Variants in USP6 observed in about 807,000 individuals in gnomAD.
The protein encoded by USP6 is ubiquitin carboxyl-terminal hydrolase 6.
A neutral mutation model predicts 175.7 loss-of-function variants in USP6; 128 were observed. The observed-to-expected ratio is 0.73, with a 90% CI of 0.63 to 0.84. The LOEUF (loss-of-function observed/expected upper bound fraction) is 0.84. USP6 is among the 40% of genes least tolerant of loss of function. USP6 has a pLI of 0.00. For synonymous variants in USP6, 562 were observed against 630.6 expected (o/e 0.89, Z 1.63); for missense variants, 1,498 against 1,760.3 (o/e 0.85, Z 2.67).
chr17:5,158,614 G>GGGGA (rs2073938861), intron 31 of USP6, among the ~76,000 whole-genome samples: 12 of 26,356 alleles, frequency 4.6e-4, no homozygotes, highest in Non-Finnish European at 6.6e-4. Flanking sequence ...AGGGAGAGGG[G>GGGGA]GAGAGAGAGA....
chr17:5,118,840 C>G (rs1052566878), intron 2 of USP6, among the ~76,000 whole-genome samples: 20 of 152,230 alleles, frequency 1.3e-4, no homozygotes, highest in African/African-American at 2.4e-5. Context: ...CCATCTCTCT[C>G]ATCTACTGAC....
rs780703356 is a variant in USP6, at chr17:5,171,704, A to C, written c.4047+25A>C. The C allele has an allele frequency of 5.0e-6, 8 of 1,608,850 alleles. No homozygotes were observed. In the Admixed American group the frequency reaches 5.0e-5, roughly 10 times the overall value. ...GGTAAACATTCTCAATCTTTGAATG[A>C]AAGTTAGAATATCAACAGAACTGGG... On this transcript the variant is annotated intron_variant, in intron 37 of 37. Transcript: ENST00000574788.
chr17:5,152,229 G>A (rs1291155751), intron 30 of USP6, among the ~76,000 whole-genome samples: 4 of 146,244 alleles, frequency 2.7e-5, no homozygotes, highest in Non-Finnish European at 6.0e-5. Context: ...GCAACAGAGC[G>A]AGACTCCGTC....
chr17:5,149,368 A>T (rs2073700303), intron 30 of USP6, among the ~76,000 whole-genome samples: 1 of 152,092 alleles, frequency 6.6e-6, no homozygotes, highest in South Asian at 2.1e-4. Flanking sequence ...GTGCCACAGC[A>T]CTCCAGCCTG....
At chr17:5,137,622 A>G (rs2073297495) in intron 19 of USP6, 29 bp from the exon 20 acceptor site, 1 of 1,596,650 alleles carries the variant, frequency 6.3e-7, no homozygotes, top group Non-Finnish European at 8.5e-7. Context: ...TGGAAGGGCC[A>G]GGTTCTCTCA....
intron 33 of USP6, 64 bp from the exon 34 acceptor site, chr17:5,167,868 A>T: frequency 6.5e-7 from 1 of 1,545,676 alleles, no homozygotes; most frequent in South Asian, 1.2e-5. Flanking sequence ...GTTGATGCAT[A>T]GCTAGATCAC....
Position 5,155,595 on chromosome 17 carries a change from T to C in USP6, c.2817T>C (p.His939=). 1.2e-6 allele frequency: 2 copies of C among 1,614,066 alleles called. No individual in the cohort carries two copies. The highest frequency in any genetic ancestry group is 1.7e-6 in the Non-Finnish European group (2 of 1,179,970). Residue 939 remains histidine, a synonymous_variant, in exon 31 of 38, where the codon CAT becomes CAC. Transcript: ENST00000574788. The stretch of plus-strand genomic sequence containing the variant: ...TCCCACCTCAGGAAGCTAGTATTCA[T>C]GCCCAGGATCGGTGAGTTCAGGGGA... ...RPLPPQEASI[H]AQDRDNCMGY... is the part of the protein sequence containing the mutation.
chr17:5,117,515 CAA>C (rs59282298), intron 1 of USP6, among the ~76,000 whole-genome samples: 16 of 61,946 alleles, frequency 2.6e-4, no homozygotes, highest in Admixed American at 5.2e-4. Context: ...GACTCCGTCT[CAA>C]AAAAAAAAAA....
chr17:5,120,474 C>T (rs1361232028), intron 2 of USP6, among the ~76,000 whole-genome samples, 153 bp from the exon 3 acceptor site: 2 of 152,154 alleles, frequency 1.3e-5, no homozygotes, highest in African/African-American at 2.4e-5. Flanking sequence ...CAATATCCAC[C>T]TCCACCTTCA....
intron 22 of USP6, among the ~76,000 whole-genome samples, chr17:5,140,673 C>T (rs1409140693): frequency 1.3e-5 from 2 of 152,168 alleles, no homozygotes; most frequent in East Asian, 3.8e-4. Context: ...GTCCCATTTT[C>T]GCCTAACTTC....
intron 9 of USP6, 75 bp from the exon 10 acceptor site, chr17:5,130,292 G>C: frequency 1.4e-6 from 2 of 1,473,036 alleles, no homozygotes; most frequent in Admixed American, 1.7e-5. Context: ...GCATCTGGGA[G>C]CCCGGTGGGA....
rs780779647 is a variant in USP6, at chr17:5,138,187, G to A, written c.992G>A (p.Trp331Ter). Reference sequence around the variant, plus strand: ...CTGCGGAACCAATTCTTCGATACCTGGGCCATGAACGATGACACCGTGCTC... The same window carrying A: ...CTGCGGAACCAATTCTTCGATACCTAGGCCATGAACGATGACACCGTGCTC... The part of the protein sequence containing the change: ...ARLRNQFFDT[W>*]AMNDDTVLKH... The change falls in exon 21 of 38, where the codon TGG becomes TAG. Residue 331 changes from tryptophan to a stop codon, truncating the protein, a stop_gained. Coordinates refer to ENST00000574788, the MANE Select transcript of USP6 (RefSeq NM_001304284.2). LOFTEE classifies it high-confidence loss of function. The A allele has an allele frequency of 1.9e-6, 3 of 1,614,090 alleles. No individual in the cohort carries two copies. The highest frequency in any genetic ancestry group is 2.5e-6 in the Non-Finnish European group (3 of 1,180,004).
intron 30 of USP6, among the ~76,000 whole-genome samples, chr17:5,154,322 A>G (rs1314124402): frequency 6.6e-6 from 1 of 152,212 alleles, no homozygotes; most frequent in Admixed American, 6.5e-5. Context: ...TTACTCAATA[A>G]ATACCAAACT....
At chr17:5,122,723 C>G (rs1285620544) in intron 4 of USP6, among the ~76,000 whole-genome samples, 1 of 152,222 alleles carries the variant, frequency 6.6e-6, no homozygotes, top group African/African-American at 2.4e-5. Context: ...CGGAGCCCAG[C>G]CCCGGAAATG....
intron 31 of USP6, among the ~76,000 whole-genome samples, chr17:5,158,671 G>T (rs1293839569): frequency 8.8e-6 from 1 of 113,392 alleles, no homozygotes; most frequent in African/African-American, 3.3e-5. Flanking sequence ...GAGAGAGAGA[G>T]ATTGAGAAGA....
chr17:5,130,241 A>T, intron 9 of USP6, 126 bp from the exon 10 acceptor site: 1 of 873,130 alleles, frequency 1.1e-6, no homozygotes, highest in Non-Finnish European at 1.8e-6. Flanking sequence ...GCCCCTTTTT[A>T]CCGGAGTGCA....
chr17:5,137,102 C>T lies in USP6; in HGVS notation c.760-19C>T. The stretch of plus-strand genomic sequence containing the variant: ...AGGGCAGCCCAGGGGGCCCTGAGCA[C>T]CTCTGTTCATCCCATCAGGACAAGG... On this transcript the variant is annotated intron_variant, in intron 18 of 37. Coordinates refer to ENST00000574788, the MANE Select transcript of USP6 (RefSeq NM_001304284.2). 2 of 1,613,318 alleles carry T rather than the reference C, an allele frequency of 1.2e-6. No homozygotes were observed. The highest frequency in any genetic ancestry group is 1.7e-6 in the Non-Finnish European group (2 of 1,179,498).
intron 9 of USP6, 59 bp from the exon 10 acceptor site, chr17:5,130,308 T>C: frequency 6.4e-7 from 1 of 1,569,732 alleles, no homozygotes; most frequent in Non-Finnish European, 8.8e-7. Flanking sequence ...TGGGAGCGGT[T>C]CAGGTGTTCT....
chr17:5,155,500 A>G lies in USP6; in HGVS notation c.2722A>G (p.Thr908Ala). 10 of 1,614,126 alleles carry G rather than the reference A, an allele frequency of 6.2e-6. No individual in the cohort carries two copies. The highest frequency in any genetic ancestry group is 8.5e-6 in the Non-Finnish European group (10 of 1,180,024). The stretch of plus-strand genomic sequence containing the variant: ...TGGAATGCCATTGATTGTTCCATGC[A>G]CTGTGCATACCCGGAAGAAAGACCT... ...LFGMPLIVPC[T>A]VHTRKKDLYD... Residue 908 changes from threonine (T) to alanine (A), a missense_variant, in exon 31 of 38, where the codon ACT (threonine) becomes GCT (alanine). By Grantham distance (58) the Thr-to-Ala change is moderately conservative. Coordinates refer to ENST00000574788, the MANE Select transcript of USP6 (RefSeq NM_001304284.2).
Sources: gnomAD v4.1 joint callset for allele counts (sites outside exome capture counted in the v4.1 genomes callset) on GRCh38, gnomAD v4.1.1 for gene constraint, MANE v1.5 for transcripts, NCBI Gene and HGNC (gene_info 2026-07-23, HGNC 2026-07-21) for gene names.